JAKMIP3: variants seen among roughly 807,000 people sequenced by gnomAD.
JAKMIP3 encodes Janus kinase and microtubule interacting protein 3, also known as janus kinase and microtubule-interacting protein 3.
A neutral mutation model predicts 118.5 loss-of-function variants in JAKMIP3; 58 were observed. The observed-to-expected ratio is 0.49, with a 90% CI of 0.40 to 0.61. The LOEUF is 0.61. Among genes scored for constraint, JAKMIP3 ranks in the 20% least tolerant of loss-of-function variants. The pLI is 0.00. For missense variants in JAKMIP3, 950 were observed against 1,109.0 expected, an observed-to-expected ratio of 0.86 and a Z score of 2.04; for synonymous variants, 486 against 451.2, an observed-to-expected ratio of 1.08 and a Z score of -0.98.
intron 1 of JAKMIP3, among the ~76,000 whole-genome samples, chr10:132,046,382 G>C (rs1473911248): frequency 6.6e-6 from 1 of 151,986 alleles, no homozygotes; most frequent in Non-Finnish European, 1.5e-5. Context: ...CATGAACTTG[G>C]GAGGCGGAGC....
intron 9 of JAKMIP3, among the ~76,000 whole-genome samples, chr10:132,139,366 G>A (rs529384126): frequency 1.0e-5 from 1 of 100,438 alleles, no homozygotes; most frequent in East Asian, 3.2e-4. Context: ...ATATGCGTCT[G>A]TACGTGTGTG....
At chr10:132,108,008 G>A (rs1232697813) in intron 2 of JAKMIP3, among the ~76,000 whole-genome samples, 2 of 152,204 alleles carry the variant, frequency 1.3e-5, no homozygotes, top group South Asian at 2.1e-4. Context: ...AGTTGGGTCC[G>A]GGCAGAGTCC....
chr10:132,130,031 C>T (rs557970478), intron 3 of JAKMIP3, among the ~76,000 whole-genome samples: 41 of 152,204 alleles, frequency 2.7e-4, no homozygotes, highest in African/African-American at 9.4e-4. Context: ...AGGGTTAATT[C>T]CCAGACATGC....
At chr10:132,123,258 A>C (rs2048862590) in intron 3 of JAKMIP3, among the ~76,000 whole-genome samples, 2 of 152,230 alleles carry the variant, frequency 1.3e-5, no homozygotes, top group African/African-American at 2.4e-5. Context: ...GATCTGTGCC[A>C]TGTCATCACA....
intron 23 of JAKMIP3, among the ~76,000 whole-genome samples, chr10:132,170,419 C>T (rs563725246): frequency 1.3e-5 from 2 of 152,274 alleles, no homozygotes; most frequent in East Asian, 3.9e-4. Flanking sequence ...GGCCAGGCCT[C>T]ACAGCAGGGG....
intron 6 of JAKMIP3, among the ~76,000 whole-genome samples, chr10:132,136,551 C>T (rs752385648): frequency 7.2e-5 from 11 of 152,216 alleles, no homozygotes; most frequent in African/African-American, 9.6e-5. Context: ...GCCCTGAGGA[C>T]CCCAAAGGCC....
intron 23 of JAKMIP3, among the ~76,000 whole-genome samples, chr10:132,171,242 G>A (rs1334536722): frequency 2.6e-5 from 4 of 152,224 alleles, no homozygotes; most frequent in Non-Finnish European, 4.4e-5. Flanking sequence ...TGCTCCGAGT[G>A]TGCAGTCTCC....
chr10:132,100,553 T>A (rs1270592268), intron 1 of JAKMIP3, among the ~76,000 whole-genome samples: 1 of 151,860 alleles, frequency 6.6e-6, no homozygotes, highest in African/African-American at 2.4e-5. Context: ...GGTTGGGGGG[T>A]GAGCAGAAAA....
chr10:132,104,473 C>A (rs2045597758), intron 1 of JAKMIP3, among the ~76,000 whole-genome samples, 199 bp from the exon 2 acceptor site: 1 of 152,156 alleles, frequency 6.6e-6, no homozygotes. Flanking sequence ...ATGTGGGGTC[C>A]CTGTCTGGGG....
upstream of JAKMIP3, among the ~76,000 whole-genome samples, chr10:132,036,372 G>C (rs2037495911): frequency 1.3e-5 from 2 of 152,358 alleles, no homozygotes; most frequent in East Asian, 3.9e-4. Context: ...CAGCTCCCCC[G>C]TGCTGCGCAT....
Position 132,104,752 on chromosome 10 carries a change from C to A in JAKMIP3, c.-57C>A. Reference sequence around the variant, plus strand: ...GCGTGGACACCCCAGCCACCCCCAGCCCAGCCCAGCCGGAGCACCCTACCC... The same window carrying A: ...GCGTGGACACCCCAGCCACCCCCAGACCAGCCCAGCCGGAGCACCCTACCC... On this transcript the variant is annotated 5_prime_UTR_variant, in exon 2 of 24. Coordinates refer to ENST00000684848, the MANE Select transcript of JAKMIP3 (RefSeq NM_001323087.2). 2 of 1,531,696 alleles carry A rather than the reference C, an allele frequency of 1.3e-6. No homozygotes were observed. Among genetic ancestry groups the A allele is most frequent in the Non-Finnish European group, 1.8e-6 (2 of 1,134,050 alleles). 94.9% of individuals were successfully genotyped at this position (1,531,696 alleles called of 1,614,324 possible).
chr10:132,104,337 A>C (rs10870250), intron 1 of JAKMIP3, among the ~76,000 whole-genome samples: 26,406 of 151,890 alleles, frequency 0.17, 2,423 homozygotes, highest in East Asian at 0.2. Context: ...GTGGCCTCAC[A>C]GCCATGTACA....
chr10:132,167,958 C>G lies in JAKMIP3; in HGVS notation c.*28C>G. On this transcript the variant is annotated 3_prime_UTR_variant, in exon 23 of 24. Transcript: ENST00000684848. ...CTACGTTTCATTTCTTCCAGCCCCACATTGAATCGGACCCTTTTCCTCCAG... is the reference window on the plus strand; with the variant it reads ...CTACGTTTCATTTCTTCCAGCCCCAGATTGAATCGGACCCTTTTCCTCCAG... The G allele has an allele frequency of 1.6e-6, 2 of 1,289,422 alleles. No homozygotes were observed. Among genetic ancestry groups the G allele is most frequent in the Non-Finnish European group, 2.0e-6 (2 of 988,788 alleles). The allele number at this position is 1,289,422 out of a possible 1,614,324, so 79.9% of individuals were successfully genotyped here. A position where few individuals can be genotyped will look rare whatever the true frequency, so the allele number is the denominator to read the frequency against.
chr10:132,134,930 A>C, intron 4 of JAKMIP3, 111 bp from the exon 5 acceptor site: 3 of 1,321,414 alleles, frequency 2.3e-6, no homozygotes, highest in Non-Finnish European at 1.0e-6. Context: ...GCGTGGAGGT[A>C]AAGGCGCGCG....
intron 1 of JAKMIP3, among the ~76,000 whole-genome samples, 101 bp downstream of exon 1, chr10:132,066,162 G>A (rs1053266860): frequency 6.6e-6 from 1 of 152,180 alleles, no homozygotes; most frequent in Admixed American, 6.5e-5. Context: ...TATTTAGTGC[G>A]CACACGTATG....
intron 16 of JAKMIP3, among the ~76,000 whole-genome samples, chr10:132,150,361 C>T (rs907162668): frequency 1.3e-5 from 2 of 152,186 alleles, no homozygotes; most frequent in African/African-American, 2.4e-5. Context: ...AAACCAAGAC[C>T]CTTAGGGGTT....
Position 132,118,108 on chromosome 10 carries a change from C to A in JAKMIP3, c.633+534C>A, listed in dbSNP as rs1305528254. 6.6e-6 allele frequency among the ~76,000 whole-genome samples: 1 copy of A among 152,060 alleles called. No individual in the cohort carries two copies. The highest frequency in any genetic ancestry group is 1.9e-4 in the East Asian group (1 of 5,166). ...AGGAGGCCCCGGGGGGTGGGATGGC[C>A]CCCAGCTGCCCTGAGGTCCCTGTCT... On this transcript the variant is annotated intron_variant, in intron 3 of 23. Coordinates refer to ENST00000684848, the MANE Select transcript of JAKMIP3 (RefSeq NM_001323087.2). This position sits in a 1 kb window ranked among gnomAD's most constrained non-coding sequence, Gnocchi z 4.8.
chr10:132,057,741 C>T (rs1195998152), intron 1 of JAKMIP3, among the ~76,000 whole-genome samples: 1 of 152,178 alleles, frequency 6.6e-6, no homozygotes. Flanking sequence ...AGGGCTGAAA[C>T]GAAGGCAGCT....
At chr10:132,102,870 G>C (rs535143961) in intron 1 of JAKMIP3, among the ~76,000 whole-genome samples, 1 of 152,258 alleles carries the variant, frequency 6.6e-6, no homozygotes, top group Admixed American at 6.5e-5. Context: ...ACAGATGCAG[G>C]AGTAGGGGGG....
Sources: allele counts gnomAD v4.1 joint callset (sites outside exome capture counted in the v4.1 genomes callset), GRCh38; gene constraint gnomAD v4.1.1; non-coding constraint Gnocchi (gnomAD v3.1); transcripts MANE v1.5; gene names NCBI Gene and HGNC (gene_info 2026-07-23, HGNC 2026-07-21).